NPHP4: variants seen among roughly 807,000 people sequenced by gnomAD.
NPHP4 encodes nephrocystin-4.
In NPHP4, 151 loss-of-function variants were observed where a neutral mutation model predicts 155.8. The observed-to-expected ratio is 0.97, with a 90% CI of 0.85 to 1.11. The LOEUF (loss-of-function observed/expected upper bound fraction) is 1.11, where lower values mean the gene tolerates loss of function less well. Among genes scored for constraint, NPHP4 ranks in the 50% least tolerant of loss-of-function variants. The pLI, the probability that NPHP4 is intolerant of heterozygous loss-of-function variation, is 0.00. For missense variants in NPHP4, 1,956 were observed against 1,925.7 expected (o/e 1.02, Z -0.29); for synonymous variants, 845 against 816.8 (o/e 1.03, Z -0.59).
intron 5 of NPHP4, among the ~76,000 whole-genome samples, chr1:5,964,917 T>TTATATATATATATATATATA (rs4068402): frequency 1.2e-4 from 10 of 82,608 alleles, no homozygotes; most frequent in Admixed American, 3.2e-4. Flanking sequence ...TACATATATA[T>TTATATATATATATATATATA]TATATATATA....
intron 9 of NPHP4, 24 bp downstream of exon 9, chr1:5,947,080 C>T (rs768043208): frequency 5.1e-5 from 83 of 1,613,494 alleles, no homozygotes; most frequent in Non-Finnish European, 6.4e-5. Context: ...CAGAGGAAAC[C>T]GAGTGCAAAA....
At chr1:5,947,936 A>G in intron 8 of NPHP4, 134 bp downstream of exon 8, 1 of 706,556 alleles carries the variant, frequency 1.4e-6, no homozygotes, top group Admixed American at 2.4e-5. Flanking sequence ...TAATGGGCAC[A>G]ACTTCCAAGA....
At chr1:5,931,394 A>G (rs1176244039) in intron 10 of NPHP4, among the ~76,000 whole-genome samples, 1 of 135,204 alleles carries the variant, frequency 7.4e-6, no homozygotes, top group Non-Finnish European at 1.6e-5. Flanking sequence ...GTGTAATAGC[A>G]TATGTCTAAA....
intron 18 of NPHP4, among the ~76,000 whole-genome samples, chr1:5,883,273 C>G (rs1570216438): frequency 6.6e-6 from 1 of 152,176 alleles, no homozygotes; most frequent in Non-Finnish European, 1.5e-5. Flanking sequence ...CTCCGGGCCA[C>G]GCTGCCCTCC....
At chr1:5,866,689 A>G (rs1365099331) in intron 25 of NPHP4, among the ~76,000 whole-genome samples, 2 of 152,260 alleles carry the variant, frequency 1.3e-5, no homozygotes, top group Non-Finnish European at 2.9e-5. Context: ...AGGAGATTTT[A>G]TCCGGTTTCC....
At chr1:5,896,411 G>C (rs991006934) in intron 16 of NPHP4, among the ~76,000 whole-genome samples, 2 of 152,194 alleles carry the variant, frequency 1.3e-5, no homozygotes, top group Non-Finnish European at 2.9e-5. Flanking sequence ...ACCCTCGGTG[G>C]GACAGAGGCC....
intron 6 of NPHP4, among the ~76,000 whole-genome samples, chr1:5,954,927 G>A (rs961953553): frequency 2.6e-5 from 4 of 151,650 alleles, no homozygotes; most frequent in Non-Finnish European, 4.4e-5. Flanking sequence ...ACAATTAACC[G>A]AGTGAAGAGA....
At chr1:5,962,391 A>C (rs11587241) in intron 5 of NPHP4, among the ~76,000 whole-genome samples, 34,175 of 151,718 alleles carry the variant, frequency 0.23, 4,829 homozygotes, top group African/African-American at 0.4. Flanking sequence ...CCACCCACTA[A>C]TTCCCTCAGT....
chr1:5,980,461 C>T (rs749048444), intron 2 of NPHP4, among the ~76,000 whole-genome samples: 9 of 152,234 alleles, frequency 5.9e-5, no homozygotes, highest in Non-Finnish European at 1.3e-4. Context: ...AAGCTGGGTT[C>T]TCACTCCAAT....
chr1:5,953,918 T>TAAA (rs1648687757), intron 6 of NPHP4, among the ~76,000 whole-genome samples: 2 of 152,206 alleles, frequency 1.3e-5, no homozygotes, highest in South Asian at 4.1e-4. Context: ...AATGATCTTT[T>TAAA]ACTTATGTAG....
rs767981524 is a variant in NPHP4 at position 5,905,247 on chromosome 1, G to A, written c.1955+45C>T. The stretch of plus-strand genomic sequence containing the variant: ...CTCAGCGAAGTTTCTCTTCAACACA[G>A]GAAATGTGAAAGCCAGATGAGTAAC... On this transcript the variant is annotated intron_variant, in intron 15 of 29. Transcript: ENST00000378156. This position sits in a 1 kb window ranked among gnomAD's most constrained non-coding sequence, Gnocchi z 4.0. 2.2e-5 allele frequency: 33 copies of A among 1,501,730 alleles called. No homozygotes were observed. Among genetic ancestry groups the A allele is most frequent in the Non-Finnish European group, 3.0e-5 (32 of 1,077,688 alleles). 93.0% of individuals were successfully genotyped at this position (1,501,730 alleles called of 1,614,324 possible).
intron 9 of NPHP4, among the ~76,000 whole-genome samples, chr1:5,934,718 C>T (rs1453405677): frequency 5.3e-5 from 8 of 152,200 alleles, no homozygotes; most frequent in Non-Finnish European, 1.2e-4. Context: ...ATGGTCACAG[C>T]GAGGAGGTGG....
intron 2 of NPHP4, among the ~76,000 whole-genome samples, chr1:5,981,547 AAGCATGTAATATTCTTC>A (rs1389642361): frequency 6.6e-6 from 1 of 152,246 alleles, no homozygotes; most frequent in Non-Finnish European, 1.5e-5. Context: ...AATTCAAAAC[AAGCATGTAATATTCTTC>A]AGCCAACACC....
chr1:5,979,183 T>C (rs1355485091), intron 2 of NPHP4, among the ~76,000 whole-genome samples: 1 of 152,240 alleles, frequency 6.6e-6, no homozygotes, highest in African/African-American at 2.4e-5. Flanking sequence ...TTCTTTCACC[T>C]ATTCACTTAG....
intron 9 of NPHP4, among the ~76,000 whole-genome samples, chr1:5,942,922 G>T (rs1646900338): frequency 1.3e-5 from 2 of 152,206 alleles, no homozygotes. Context: ...ACGCAGCCAA[G>T]ACACCGGATC....
At chr1:5,929,598 A>G (rs757388559) in intron 10 of NPHP4, among the ~76,000 whole-genome samples, 11 of 152,160 alleles carry the variant, frequency 7.2e-5, no homozygotes, top group Non-Finnish European at 1.2e-4. Context: ...AATGAATTAC[A>G]TTTATTGATT....
chr1:5,886,347 C>G (rs972529686), intron 18 of NPHP4: 3 of 152,262 alleles, frequency 2.0e-5, no homozygotes, highest in Non-Finnish European at 4.4e-5. Context: ...GCCCCTCCGC[C>G]AGGCCCCCCA....
intron 7 of NPHP4, 40 bp from the exon 8 acceptor site, chr1:5,948,291 G>A (rs1365437276): frequency 6.8e-7 from 1 of 1,462,222 alleles, no homozygotes; most frequent in South Asian, 1.3e-5. Flanking sequence ...GGCACAGACG[G>A]AAAGAGGGAG....
intron 2 of NPHP4, among the ~76,000 whole-genome samples, chr1:5,980,293 T>C (rs1417035953): frequency 1.3e-5 from 2 of 152,158 alleles, no homozygotes; most frequent in Non-Finnish European, 2.9e-5. Flanking sequence ...AGCTGAGTTG[T>C]CTCCTGATCC....
Sources: gnomAD v4.1 joint callset for allele counts (sites outside exome capture counted in the v4.1 genomes callset) on GRCh38, gnomAD v4.1.1 for gene constraint, Gnocchi (gnomAD v3.1) non-coding constraint, MANE v1.5 for transcripts, NCBI Gene and HGNC (gene_info 2026-07-23, HGNC 2026-07-21) for gene names.